APAF1: variants seen among roughly 807,000 people sequenced by gnomAD.
APAF1 encodes the protein apoptotic peptidase activating factor 1, also known as apoptotic protease-activating factor 1.
APAF1 carries 91 observed loss-of-function variants against 152.4 expected under a neutral mutation model. The observed-to-expected ratio is 0.60, with a 90% CI of 0.50 to 0.71. The LOEUF (loss-of-function observed/expected upper bound fraction) is 0.71, where lower values mean the gene tolerates loss of function less well. Ranked by LOEUF, APAF1 falls within the 30% of genes least tolerant of loss-of-function variation. The probability of loss-of-function intolerance (pLI) is 0.00; values close to 1 mark genes in which losing one functional copy is unlikely to be tolerated. For synonymous variants in APAF1, 484 were observed against 494.1 expected (o/e 0.98, Z 0.27); for missense variants, 1,283 against 1,472.0 (o/e 0.87, Z 2.10).
At chr12:98,699,307 T>C in intron 16 of APAF1, 101 bp from the exon 17 acceptor site, 2 of 1,139,248 alleles carry the variant, frequency 1.8e-6, no homozygotes, top group Non-Finnish European at 2.5e-6. Flanking sequence ...ATTCATCAAG[T>C]GAAGTGAATA....
At chr12:98,677,004 T>C (rs1232513355) in intron 12 of APAF1, among the ~76,000 whole-genome samples, 2 of 152,214 alleles carry the variant, frequency 1.3e-5, no homozygotes, top group Non-Finnish European at 2.9e-5. Flanking sequence ...AGTTAGGAAA[T>C]GAGCATTTTG....
At chr12:98,704,880 A>G (rs2097719694) in intron 18 of APAF1, among the ~76,000 whole-genome samples, 1 of 152,106 alleles carries the variant, frequency 6.6e-6, no homozygotes, top group African/African-American at 2.4e-5. Flanking sequence ...CCCGGGTTCA[A>G]GCTATTCTCT....
At chr12:98,685,259 A>G (rs1310782464) in intron 15 of APAF1, among the ~76,000 whole-genome samples, 2 of 152,224 alleles carry the variant, frequency 1.3e-5, no homozygotes, top group African/African-American at 4.8e-5. Flanking sequence ...GAGGAGATAT[A>G]ATATAAACCC....
intron 25 of APAF1, among the ~76,000 whole-genome samples, chr12:98,725,830 C>T (rs1305871532): frequency 3.3e-5 from 5 of 152,154 alleles, no homozygotes; most frequent in Non-Finnish European, 5.9e-5. Flanking sequence ...CATCTTAATT[C>T]TTGGACTTGA....
chr12:98,703,310 T>C, intron 17 of APAF1, 61 bp from the exon 18 acceptor site: 1 of 1,574,890 alleles, frequency 6.3e-7, no homozygotes, highest in South Asian at 1.1e-5. Flanking sequence ...TGGGAGGATA[T>C]TAGAATAGCT....
intron 18 of APAF1, 132 bp from the exon 19 acceptor site, chr12:98,706,353 G>A: frequency 1.1e-6 from 1 of 896,768 alleles, no homozygotes; most frequent in Non-Finnish European, 1.9e-6. Context: ...ACATTTTGTA[G>A]TTTTGATAGT....
intron 15 of APAF1, among the ~76,000 whole-genome samples, chr12:98,685,288 A>T (rs967700473): frequency 6.6e-6 from 1 of 151,948 alleles, no homozygotes; most frequent in Non-Finnish European, 1.5e-5. Flanking sequence ...TCCATCATTT[A>T]GTTTCAACAA....
chr12:98,661,116 T>A (rs1486402385), intron 5 of APAF1, among the ~76,000 whole-genome samples: 1 of 152,194 alleles, frequency 6.6e-6, no homozygotes, highest in Non-Finnish European at 1.5e-5. Context: ...TTAACCAGGA[T>A]GGTCTTGATC....
At chr12:98,721,676 T>G (rs1270839794) in intron 22 of APAF1, among the ~76,000 whole-genome samples, 1 of 152,168 alleles carries the variant, frequency 6.6e-6, no homozygotes, top group Middle Eastern at 3.2e-3. Flanking sequence ...AAAGTTCTCT[T>G]GCTTGCATAC....
At chr12:98,656,491 C>A (rs998071578) in intron 4 of APAF1, among the ~76,000 whole-genome samples, 1 of 152,180 alleles carries the variant, frequency 6.6e-6, no homozygotes, top group South Asian at 2.1e-4. Context: ...AGCCCTGTCT[C>A]TACCTCAGTT....
chr12:98,687,417 C>A (rs904546981), intron 16 of APAF1, among the ~76,000 whole-genome samples: 1 of 149,502 alleles, frequency 6.7e-6, no homozygotes, highest in African/African-American at 2.5e-5. Context: ...AATTTGAATT[C>A]TTAAATTTTA....
chr12:98,662,441 T>C lies in APAF1; in HGVS notation c.711-15T>C. On this transcript the variant is annotated splice_polypyrimidine_tract_variant and intron_variant, in intron 5 of 26. Transcript: ENST00000551964. ...ATAAGTGTCATTAGTGATTAATATT[T>C]TTTTTTTAAATTAGGTCTCTCTTGA... is the stretch of plus-strand genomic sequence containing the variant. 6.4e-7 allele frequency: 1 copy of C among 1,570,766 alleles called. No individual in the cohort carries two copies. The highest frequency in any genetic ancestry group is 1.1e-5 in the South Asian group (1 of 90,078).
chr12:98,654,816 C>CTTTTTTTTTTTTTTTT (rs758991431), intron 4 of APAF1, among the ~76,000 whole-genome samples: 2 of 116,798 alleles, frequency 1.7e-5, no homozygotes, highest in Non-Finnish European at 3.5e-5. Context: ...GTAGTATTTT[C>CTTTTTTTTTTTTTTTT]TTTTTTTTTT....
At chr12:98,662,653 G>T (rs769427886) in intron 6 of APAF1, 22 bp from the exon 7 acceptor site, 4 of 1,612,408 alleles carry the variant, frequency 2.5e-6, no homozygotes, top group African/African-American at 1.3e-5. Context: ...TACTTACTTT[G>T]TCTTGTGATT....
chr12:98,674,807 T>C (rs1215147123), intron 12 of APAF1, among the ~76,000 whole-genome samples: 2 of 152,204 alleles, frequency 1.3e-5, no homozygotes, highest in Admixed American at 6.5e-5. Context: ...GACATACATA[T>C]AGTACTTAGA....
chr12:98,723,906 G>A, intron 24 of APAF1, 142 bp downstream of exon 24: 2 of 870,106 alleles, frequency 2.3e-6, no homozygotes, highest in Admixed American at 3.9e-5. Context: ...GATGCCCATT[G>A]GCATTTAGTT....
At chr12:98,666,709 G>C (rs2097673226) in intron 9 of APAF1, among the ~76,000 whole-genome samples, 1 of 152,040 alleles carries the variant, frequency 6.6e-6, no homozygotes, top group Non-Finnish European at 1.5e-5. Flanking sequence ...AAGAGTACTG[G>C]CTAGTAATTT....
chr12:98,674,268 A>G (rs1185536519), intron 12 of APAF1, among the ~76,000 whole-genome samples: 6 of 152,208 alleles, frequency 3.9e-5, no homozygotes, highest in Admixed American at 3.9e-4. Flanking sequence ...CTTGGATTAC[A>G]GGCATGAGCC....
rs1441389935 is a variant in APAF1 at position 98,659,793 on chromosome 12, AC to A, written c.710+452del. Among the ~76,000 whole-genome samples the A allele has an allele frequency of 2.3e-3, 352 of 150,576 alleles. 2 individuals carry two copies. Among genetic ancestry groups the A allele is most frequent in the African/African-American group, 8.1e-3 (332 of 40,778 alleles). ...AAAAAGAGAGAGAAAGAAAGAAAGA[AC>A]CATTGCTTTCCTGCTTTTCTCTCTT... On this transcript the variant is annotated intron_variant, in intron 5 of 26. Coordinates refer to ENST00000551964, the MANE Select transcript of APAF1 (RefSeq NM_181861.2).
Sources: gnomAD v4.1 joint callset for allele counts (sites outside exome capture counted in the v4.1 genomes callset) on GRCh38, gnomAD v4.1.1 for gene constraint, MANE v1.5 for transcripts, NCBI Gene and HGNC (gene_info 2026-07-23, HGNC 2026-07-21) for gene names.